The following STX7 variants were observed in gnomAD, a reference collection of about 807,000 sequenced individuals.
STX7 encodes the protein syntaxin-7.
A neutral mutation model predicts 39.6 loss-of-function variants in STX7; 34 were observed. That is an observed-to-expected ratio of 0.86 (90% confidence interval 0.65 to 1.14). The LOEUF is 1.14. Ranked by LOEUF, STX7 falls within the 50% of genes most tolerant of loss-of-function variation. STX7 has a pLI of 0.00. For synonymous variants in STX7, 119 were observed against 99.1 expected, an observed-to-expected ratio of 1.20 and a Z score of -1.19; for missense variants, 284 against 310.4, an observed-to-expected ratio of 0.92 and a Z score of 0.64.
chr6:132,505,130 T>C (rs1775665476), intron 1 of STX7, among the ~76,000 whole-genome samples: 2 of 152,236 alleles, frequency 1.3e-5, no homozygotes, highest in Non-Finnish European at 2.9e-5. Flanking sequence ...AGTGGCATTA[T>C]TCTTGTTTTA....
chr6:132,486,403 T>G (rs1295763532), intron 2 of STX7, among the ~76,000 whole-genome samples: 1 of 152,196 alleles, frequency 6.6e-6, no homozygotes, highest in African/African-American at 2.4e-5. Context: ...TTACTGAGAA[T>G]TTTTGTTAGG....
At chr6:132,468,899 A>C (rs1463788394) in intron 7 of STX7, among the ~76,000 whole-genome samples, 1 of 152,224 alleles carries the variant, frequency 6.6e-6, no homozygotes. Flanking sequence ...ATTTAAAGTA[A>C]TAAAACATTA....
At chr6:132,506,564 A>T (rs1411721750) in intron 1 of STX7, among the ~76,000 whole-genome samples, 1 of 152,182 alleles carries the variant, frequency 6.6e-6, no homozygotes, top group Non-Finnish European at 1.5e-5. Context: ...ATCTCACAAC[A>T]GTCAGAATGG....
At chr6:132,482,174 G>A (rs976841177) in intron 2 of STX7, among the ~76,000 whole-genome samples, 1 of 152,156 alleles carries the variant, frequency 6.6e-6, no homozygotes, top group East Asian at 1.9e-4. Flanking sequence ...AATAAATGGA[G>A]AGTTAAGAAA....
intron 9 of STX7, among the ~76,000 whole-genome samples, chr6:132,463,353 T>G (rs1484359033): frequency 6.6e-6 from 1 of 152,236 alleles, no homozygotes; most frequent in Admixed American, 6.5e-5. Flanking sequence ...ATCAAAGGTC[T>G]GCATATTGTA....
chr6:132,511,899 G>A (rs900590128), intron 1 of STX7, among the ~76,000 whole-genome samples: 1 of 152,122 alleles, frequency 6.6e-6, no homozygotes, highest in African/African-American at 2.4e-5. Flanking sequence ...GTTATCAAGA[G>A]CAACATAAGT....
At chr6:132,489,274 A>G (rs184679529) in intron 2 of STX7, among the ~76,000 whole-genome samples, 2 of 151,998 alleles carry the variant, frequency 1.3e-5, no homozygotes, top group African/African-American at 4.8e-5. Context: ...TCTTTGTAAG[A>G]ATAAAAGTAC....
intron 8 of STX7, among the ~76,000 whole-genome samples, chr6:132,466,879 CA>C (rs1395655623): frequency 3.9e-5 from 6 of 152,186 alleles, no homozygotes; most frequent in Admixed American, 3.9e-4. Flanking sequence ...AAAACCTTAG[CA>C]TCACCCTTAA....
At chr6:132,490,997 A>G (rs1401043453) in intron 2 of STX7, among the ~76,000 whole-genome samples, 1 of 151,602 alleles carries the variant, frequency 6.6e-6, no homozygotes, top group Non-Finnish European at 1.5e-5. Flanking sequence ...AGCACAGCAC[A>G]GCACAGCACA....
intron 2 of STX7, among the ~76,000 whole-genome samples, chr6:132,478,287 A>T (rs956797921): frequency 4.6e-5 from 7 of 152,246 alleles, no homozygotes; most frequent in Admixed American, 3.9e-4. Context: ...AATTTTGCAA[A>T]GTACAAACAA....
At chr6:132,473,791 G>A (rs1035923973) in intron 3 of STX7, among the ~76,000 whole-genome samples, 1 of 151,990 alleles carries the variant, frequency 6.6e-6, no homozygotes, top group African/African-American at 2.4e-5. Context: ...ATGAGATATT[G>A]TATAAGAATA....
chr6:132,469,565 T>C (rs1774657755), intron 7 of STX7, among the ~76,000 whole-genome samples: 1 of 152,234 alleles, frequency 6.6e-6, no homozygotes, highest in East Asian at 1.9e-4. Flanking sequence ...GGGCCAGACA[T>C]GGTGGCTCAC....
chr6:132,486,910 G>A (rs568068936), intron 2 of STX7, among the ~76,000 whole-genome samples: 7 of 151,986 alleles, frequency 4.6e-5, no homozygotes, highest in Non-Finnish European at 8.8e-5. Context: ...CAGGTGATTC[G>A]CCAGCCTCAG....
chr6:132,476,358 T>A (rs1774873055), intron 2 of STX7, among the ~76,000 whole-genome samples: 1 of 152,028 alleles, frequency 6.6e-6, no homozygotes, highest in African/African-American at 2.4e-5. Flanking sequence ...TTAACATGAA[T>A]CTAATCACAA....
At chr6:132,505,999 C>T (rs764241737) in intron 1 of STX7, among the ~76,000 whole-genome samples, 5 of 151,840 alleles carry the variant, frequency 3.3e-5, no homozygotes, top group Admixed American at 6.6e-5. Flanking sequence ...GAGGAAAGGA[C>T]GCCCTTTTCA....
At position 132,459,901 on chromosome 6, in the gene STX7, T is replaced by C. The variant is rs1774345999; in HGVS notation, c.*857A>G. Reference sequence around the variant, plus strand: ...ATATTAACCATTATTCTATAAGACATAAGGGAAGGTAAATAATGGCCCACA... The same window carrying C: ...ATATTAACCATTATTCTATAAGACACAAGGGAAGGTAAATAATGGCCCACA... On this transcript the variant is annotated 3_prime_UTR_variant, in exon 10 of 10. Transcript: ENST00000367941. The C allele has an allele frequency of 6.6e-6, 1 of 152,100 alleles. No homozygotes were observed. Among genetic ancestry groups the C allele is most frequent in the African/African-American group, 2.4e-5 (1 of 41,410 alleles). 9.4% of individuals were successfully genotyped at this position (152,100 alleles called of 1,614,324 possible).
At chr6:132,471,698 T>G in intron 4 of STX7, 98 bp from the exon 5 acceptor site, 2 of 1,382,248 alleles carry the variant, frequency 1.4e-6, no homozygotes, top group Non-Finnish European at 2.0e-6. Context: ...AGTTTTCACT[T>G]ACTCCCCAAT....
chr6:132,478,436 C>A (rs1006135230), intron 2 of STX7, among the ~76,000 whole-genome samples: 1 of 152,144 alleles, frequency 6.6e-6, no homozygotes, highest in Non-Finnish European at 1.5e-5. Flanking sequence ...GAGCAACCCC[C>A]AGTTCTCACT....
At chr6:132,464,311 T>A (rs1276196972) in intron 8 of STX7, among the ~76,000 whole-genome samples, 1 of 152,192 alleles carries the variant, frequency 6.6e-6, no homozygotes, top group Non-Finnish European at 1.5e-5. Flanking sequence ...ACCTTAATCA[T>A]CTTCATTACA....
Sources: allele counts gnomAD v4.1 joint callset (sites outside exome capture counted in the v4.1 genomes callset), GRCh38; gene constraint gnomAD v4.1.1; transcripts MANE v1.5; gene names NCBI Gene and HGNC (gene_info 2026-07-23, HGNC 2026-07-21).